The following BEST1 variants were observed in gnomAD, a reference collection of about 807,000 sequenced individuals.
BEST1 encodes bestrophin-1.
BEST1 carries 58 observed loss-of-function variants against 63.3 expected under a neutral mutation model. That is an observed-to-expected ratio of 0.92 (90% CI 0.74 to 1.14). BEST1 has a LOEUF of 1.14. Ranked by LOEUF, BEST1 falls within the 50% of genes most tolerant of loss-of-function variation. The pLI is 0.00. For synonymous variants in BEST1, 283 were observed against 291.6 expected (o/e 0.97, Z 0.30); for missense variants, 671 against 740.1 (o/e 0.91, Z 1.08).
chr11:61,955,982 C>G lies in BEST1; in HGVS notation c.481+31C>G. ...CGGACCGGGAGCAACGGGGAGGCAC[C>G]GGGCAGAGCCAGGGGCCGAGATGGG... On this transcript the variant is annotated intron_variant, in intron 4 of 10. Coordinates refer to ENST00000378043, the MANE Select transcript of BEST1 (RefSeq NM_004183.4). 4.6e-6 allele frequency: 7 copies of G among 1,535,102 alleles called. No homozygotes were observed. In the South Asian group the frequency reaches 8.4e-5, roughly 18 times the overall value.
rs1941494217 is a variant in BEST1 at position 61,957,396 on chromosome 11, A to G, written c.646A>G (p.Thr216Ala). The G allele has an allele frequency of 6.2e-7, 1 of 1,611,276 alleles. No homozygotes were observed. Among genetic ancestry groups the G allele is most frequent in the African/African-American group, 1.3e-5 (1 of 74,794 alleles). The change falls in exon 6 of 11, where the codon ACC becomes GCC. Residue 216 changes from threonine (T) to alanine (A), a missense_variant. By Grantham distance (58) the Thr-to-Ala change is moderately conservative. Transcript: ENST00000378043. ...LLQSLLNEMN[T>A]LRTQCGHLYA... ...CTCTTCTGCCCCCCAGGAGATGAAC[A>G]CCTTGCGTACTCAGTGTGGACACCT...
intron 7 of BEST1, chr11:61,958,737 T>G: frequency 2.6e-6 from 1 of 382,158 alleles, no homozygotes; most frequent in African/African-American, 2.1e-5. Context: ...ACAGATGTTC[T>G]GAATCACACA....
chr11:61,950,810 T>G (rs1940575191), intron 1 of BEST1, among the ~76,000 whole-genome samples: 1 of 152,046 alleles, frequency 6.6e-6, no homozygotes, highest in South Asian at 2.1e-4. Context: ...TCAAGCAAGG[T>G]GAGGAGACAC....
rs1942171666 is a variant in BEST1 at position 61,962,485 on chromosome 11, C to T, written c.1331C>T (p.Ala444Val). ...QNVRGQEDNK[A>V]WKLKAVDAFK... ...GTTAGGGGCCAGGAAGACAACAAGGCCTGGAAGCTTAAGGCTGTGGACGCC... is the reference window on the plus strand; with the variant it reads ...GTTAGGGGCCAGGAAGACAACAAGGTCTGGAAGCTTAAGGCTGTGGACGCC... Residue 444 changes from alanine to valine, a missense_variant, in exon 10 of 11, where the codon GCC becomes GTC. By Grantham distance (64) the Ala-to-Val change is moderately conservative. Transcript: ENST00000378043. 6.2e-7 allele frequency: 1 copy of T among 1,614,060 alleles called. No individual in the cohort carries two copies. Among genetic ancestry groups the T allele is most frequent in the African/African-American group, 1.3e-5 (1 of 74,914 alleles).
chr11:61,963,178 A>T, intron 10 of BEST1: 1 of 1,441,492 alleles, frequency 6.9e-7, no homozygotes, highest in Non-Finnish European at 9.1e-7. Context: ...GCTGCTGGAG[A>T]ACTGCCCCAG....
chr11:61,955,869 C>G lies in BEST1; in HGVS notation c.399C>G (p.Asn133Lys), dbSNP rs281865233. Residue 133 changes from asparagine to lysine, a missense_variant, in exon 4 of 11, where the codon AAC becomes AAG. Transcript: ENST00000378043. ...LLRRTLIRYA[N>K]LGNVLILRSV... Reference sequence around the variant, plus strand: ...GGCGCACGCTCATCCGCTACGCCAACCTGGGCAACGTGCTCATCCTGCGCA... The same window carrying G: ...GGCGCACGCTCATCCGCTACGCCAAGCTGGGCAACGTGCTCATCCTGCGCA... 1 of 1,550,496 alleles carries G rather than the reference C, an allele frequency of 6.4e-7. No individual in the cohort carries two copies. Among genetic ancestry groups the G allele is most frequent in the Non-Finnish European group, 8.7e-7 (1 of 1,146,930 alleles).
chr11:61,955,362 C>A, intron 3 of BEST1, 161 bp downstream of exon 3: 1 of 1,491,304 alleles, frequency 6.7e-7, no homozygotes, highest in Non-Finnish European at 8.9e-7. Flanking sequence ...CGGACTGCAG[C>A]CAGTGAAACT....
At chr11:61,957,027 G>A (rs557643704) in intron 5 of BEST1, 29 bp downstream of exon 5, 13 of 1,613,682 alleles carry the variant, frequency 8.1e-6, no homozygotes, top group East Asian at 6.7e-5. Flanking sequence ...CAGGGCTGCC[G>A]CAGAGTGGGA....
In BEST1 at chr11:61,962,446, C is replaced by T. The variant is rs1591312243; in HGVS notation, c.1292C>T (p.Ala431Val). Reference sequence around the variant, plus strand: ...GAGGGCCTGCCCAAAAACCACAAGGCAGCCAAACAGAACGTTAGGGGCCAG... The same window carrying T: ...GAGGGCCTGCCCAAAAACCACAAGGTAGCCAAACAGAACGTTAGGGGCCAG... ...LHEGLPKNHK[A>V]AKQNVRGQED... Residue 431 changes from alanine to valine, a missense_variant, in exon 10 of 11, where the codon GCA becomes GTA. Coordinates refer to ENST00000378043, the MANE Select transcript of BEST1 (RefSeq NM_004183.4). The T allele has an allele frequency of 6.2e-7, 1 of 1,614,236 alleles. No homozygotes were observed. Among genetic ancestry groups the T allele is most frequent in the East Asian group, 2.2e-5 (1 of 44,880 alleles).
chr11:61,958,954 C>A (rs552130866), intron 7 of BEST1: 10 of 247,492 alleles, frequency 4.0e-5, no homozygotes, highest in East Asian at 2.1e-4. Flanking sequence ...TCCCCCTGCC[C>A]CCCCAGTTAT....
In BEST1 at chr11:61,964,355, A is replaced by T; in HGVS notation, c.*233A>T. On this transcript the variant is annotated 3_prime_UTR_variant, in exon 11 of 11. Coordinates refer to ENST00000378043, the MANE Select transcript of BEST1 (RefSeq NM_004183.4). ...CTGAACCATTGGAAACATTTAACTC[A>T]GACTCTGGATTCAGAGTCGGGAACC... The T allele has an allele frequency of 1.2e-6, 1 of 839,490 alleles. No homozygotes were observed. Among genetic ancestry groups the T allele is most frequent in the Non-Finnish European group, 1.8e-6 (1 of 555,490 alleles). 52.0% of individuals were successfully genotyped at this position (839,490 alleles called of 1,614,324 possible).
intron 7 of BEST1, chr11:61,958,684 T>A (rs1020008339): frequency 8.3e-6 from 4 of 483,360 alleles, no homozygotes; most frequent in African/African-American, 2.0e-5. Context: ...TCACCTCAAG[T>A]GGCTTGTCCA....
rs1591303533 is a variant in BEST1 at position 61,959,923 on chromosome 11, A to G, written c.980A>G (p.Gln327Arg). ...CTGTTGGCTGTGGATGAGATGCACC[A>G]GGACCTGCCTCGGATGGAGCCGGAC... Reference protein sequence around the residue: ...VSLLAVDEMHQDLPRMEPDMY... With the variant: ...VSLLAVDEMHRDLPRMEPDMY... Residue 327 changes from glutamine to arginine, a missense_variant, in exon 9 of 11, where the codon CAG (glutamine) becomes CGG (arginine). Coordinates refer to ENST00000378043, the MANE Select transcript of BEST1 (RefSeq NM_004183.4). The G allele has an allele frequency of 1.2e-6, 2 of 1,613,668 alleles. No homozygotes were observed. Among genetic ancestry groups the G allele is most frequent in the Non-Finnish European group, 1.7e-6 (2 of 1,179,846 alleles).
At chr11:61,964,991 G>T, downstream of BEST1, 1 of 1,614,054 alleles carries the variant, frequency 6.2e-7, no homozygotes. Context: ...ACTCACATGG[G>T]GGTCATTTTT....
chr11:61,955,266 A>C, intron 3 of BEST1, 65 bp downstream of exon 3: 1 of 1,351,070 alleles, frequency 7.4e-7, no homozygotes, highest in Non-Finnish European at 1.0e-6. Context: ...AGGCCAGGGG[A>C]GGATCACGAG....
At position 61,962,578 on chromosome 11, in the gene BEST1, C is replaced by A. The variant is rs140681289; in HGVS notation, c.1424C>A (p.Thr475Asn). The change falls in exon 10 of 11, where the codon ACT becomes AAT. Residue 475 changes from threonine to asparagine, a missense_variant. Physicochemically the swap from Thr to Asn is moderately conservative, Grantham distance 65 (BLOSUM62 0). Transcript: ENST00000378043. ...GCCCCACAGACGCCCCTCAGCCCCA[C>A]TCCCATGTTCTTCCCCCTAGAACCA... ...YSAPQTPLSPTPMFFPLEPSA... is the reference protein window; with the variant it reads ...YSAPQTPLSPNPMFFPLEPSA... 1 of 1,614,062 alleles carries A rather than the reference C, an allele frequency of 6.2e-7. No individual in the cohort carries two copies. Among genetic ancestry groups the A allele is most frequent in the African/African-American group, 1.3e-5 (1 of 74,932 alleles).
chr11:61,955,239 C>G, intron 3 of BEST1, 38 bp downstream of exon 3: 2 of 1,614,084 alleles, frequency 1.2e-6, no homozygotes, highest in Non-Finnish European at 1.7e-6. Context: ...GTCCCTGTGG[C>G]CGCCCAGGCT....
At position 61,964,285 on chromosome 11, in the gene BEST1, T is replaced by C; in HGVS notation, c.*163T>C. 7.2e-7 allele frequency: 1 copy of C among 1,387,342 alleles called. No individual in the cohort carries two copies. The highest frequency in any genetic ancestry group is 9.7e-7 in the Non-Finnish European group (1 of 1,027,028). The allele number at this position is 1,387,342 out of a possible 1,614,324, so 85.9% of individuals were successfully genotyped here. A position where few individuals can be genotyped will look rare whatever the true frequency, so the allele number is the denominator to read the frequency against. ...TTAATAGATAAAAATCCCAGACTAC[T>C]TCAGCCTTTAATGCCTTTTATTCAT... On this transcript the variant is annotated 3_prime_UTR_variant, in exon 11 of 11. Transcript: ENST00000378043.
chr11:61,955,298 G>A, intron 3 of BEST1, 97 bp downstream of exon 3: 1 of 1,579,192 alleles, frequency 6.3e-7, no homozygotes, highest in South Asian at 1.1e-5. Context: ...AGGGGCTGGG[G>A]AGGGGGCGGG....
Sources: gnomAD v4.1 joint callset for allele counts (sites outside exome capture counted in the v4.1 genomes callset) on GRCh38, gnomAD v4.1.1 for gene constraint, MANE v1.5 for transcripts, NCBI Gene and HGNC (gene_info 2026-07-23, HGNC 2026-07-21) for gene names.